Variants in SLC34A3 observed in about 807,000 individuals in gnomAD.
The protein encoded by SLC34A3 is solute carrier family 34 member 3.
In SLC34A3, 60 loss-of-function variants were observed where a neutral mutation model predicts 43.9. That is an observed-to-expected ratio of 1.37 (90% confidence interval 1.11 to 1.70). The LOEUF (loss-of-function observed/expected upper bound fraction) is 1.70. SLC34A3 is among the 40% of genes most tolerant of loss of function. The pLI, the probability that SLC34A3 is intolerant of heterozygous loss-of-function variation, is 0.00. For missense variants in SLC34A3, 969 were observed against 823.8 expected, an observed-to-expected ratio of 1.18 and a Z score of -2.16; for synonymous variants, 451 against 386.2, an observed-to-expected ratio of 1.17 and a Z score of -1.97.
chr9:137,234,349 G>T lies in SLC34A3; in HGVS notation c.1094-67G>T. 1 of 1,600,356 alleles carries T rather than the reference G, an allele frequency of 6.2e-7. No individual in the cohort carries two copies. Among genetic ancestry groups the T allele is most frequent in the South Asian group, 1.1e-5 (1 of 90,836 alleles). On this transcript the variant is annotated intron_variant, in intron 10 of 12. Transcript: ENST00000673835. The surrounding 1 kb of genome is among the most constrained non-coding windows in gnomAD (Gnocchi z 6.9). ...CCCATAGACTTCCCCTTCCCACCAGGCTGACTCGGGGGCTACCTGGCCCTC... is the reference window on the plus strand; with the variant it reads ...CCCATAGACTTCCCCTTCCCACCAGTCTGACTCGGGGGCTACCTGGCCCTC...
In SLC34A3 at chr9:137,233,947, G is replaced by T; in HGVS notation, c.925+6G>T. 1 of 1,550,710 alleles carries T rather than the reference G, an allele frequency of 6.4e-7. No individual in the cohort carries two copies. Among genetic ancestry groups the T allele is most frequent in the Non-Finnish European group, 8.7e-7 (1 of 1,148,428 alleles). On this transcript the variant is annotated splice_donor_region_variant and intron_variant, in intron 9 of 12. Transcript: ENST00000673835. ...CCCGGCGGACAGGCTGCCCTGTGAGGCCCGGCCCACCCCAAGCCCCCTACA... is the reference window on the plus strand; with the variant it reads ...CCCGGCGGACAGGCTGCCCTGTGAGTCCCGGCCCACCCCAAGCCCCCTACA...
intron 8 of SLC34A3, 56 bp downstream of exon 8, chr9:137,233,778 A>AG: frequency 2.7e-6 from 4 of 1,484,896 alleles, no homozygotes; most frequent in South Asian, 1.2e-5. Context: ...CTGCTGAGTC[A>AG]TCCCGCCCCA....
In SLC34A3 at chr9:137,234,240, C is replaced by T. The variant is rs750292913; in HGVS notation, c.1057C>T (p.Arg353Cys). The T allele has an allele frequency of 9.9e-6, 16 of 1,610,358 alleles. No individual in the cohort carries two copies. The highest frequency in any genetic ancestry group is 1.6e-4 in the Middle Eastern group (1 of 6,084). The change falls in exon 10 of 13, where the codon CGC becomes TGC. Residue 353 changes from arginine (R) to cysteine (C), a missense_variant. Arg to Cys is a radical substitution (Grantham distance 180). Coordinates refer to ENST00000673835, the MANE Select transcript of SLC34A3 (RefSeq NM_001177316.2). This position sits in a 1 kb window ranked among gnomAD's most constrained non-coding sequence, Gnocchi z 6.9. ...VKLLNSVLRG[R>C]VAQVVRTVIN... ...GCTGCTCAACTCTGTGCTGCGCGGC[C>T]GCGTGGCCCAGGTCGTGAGGACAGT...
rs146854507 is a variant in SLC34A3, at chr9:137,236,128, C to T, written c.1512C>T (p.Phe504=). ...TCCTGCTGCTGCCCCTGGCGGCCTT[C>T]GGGCTCTCCCTGGCAGGGGGCATGG... ...LGFLLLPLAA[F]GLSLAGGMEL... Residue 504 remains phenylalanine (F), a synonymous_variant, in exon 13 of 13, where the codon TTC becomes TTT. Coordinates refer to ENST00000673835, the MANE Select transcript of SLC34A3 (RefSeq NM_001177316.2). The T allele has an allele frequency of 4.1e-3, 6,658 of 1,611,102 alleles. 18 individuals are homozygous for T. The highest frequency in any genetic ancestry group is 6.4e-3 in the Middle Eastern group (39 of 6,058).
chr9:137,232,710 G>A lies in SLC34A3; in HGVS notation c.304+7G>A. On this transcript the variant is annotated splice_region_variant and intron_variant, in intron 4 of 12. Transcript: ENST00000673835. ...GCCTTCCAGCTGCTGGGCAGTGAGT[G>A]ACGGGACGGGTGCCCAGGGCGGGGC... The A allele has an allele frequency of 6.2e-7, 1 of 1,612,932 alleles. No homozygotes were observed. The highest frequency in any genetic ancestry group is 8.5e-7 in the Non-Finnish European group (1 of 1,179,948).
At chr9:137,232,549 A>T (rs1836283108) in intron 3 of SLC34A3, 26 bp from the exon 4 acceptor site, 6 of 1,610,870 alleles carry the variant, frequency 3.7e-6, no homozygotes, top group Non-Finnish European at 5.1e-6. Context: ...AGGGCCAGCC[A>T]GGGACAGCCT....
At chr9:137,233,779 T>TACCCCCCCCCCCCCCCC in intron 8 of SLC34A3, 57 bp downstream of exon 8, 3 of 1,445,822 alleles carry the variant, frequency 2.1e-6, no homozygotes, top group South Asian at 1.2e-5. Flanking sequence ...TGCTGAGTCA[T>TACCCCCCCCCCCCCCCC]CCCGCCCCAC....
At chr9:137,235,659 G>T (rs1256163708) in intron 12 of SLC34A3, among the ~76,000 whole-genome samples, 1 of 152,324 alleles carries the variant, frequency 6.6e-6, no homozygotes, top group South Asian at 2.1e-4. Context: ...GGCACAGGCA[G>T]AGCCAGGTCG....
chr9:137,236,449 C>G lies in SLC34A3; in HGVS notation c.*33C>G. ...TTGCTGAGCAGACCGCCCCACCCTC[C>G]CCGGCTGGGAGGGCTCTGGAGGGCC... On this transcript the variant is annotated 3_prime_UTR_variant, in exon 13 of 13. Coordinates refer to ENST00000673835, the MANE Select transcript of SLC34A3 (RefSeq NM_001177316.2). 1 of 1,525,756 alleles carries G rather than the reference C, an allele frequency of 6.6e-7. No individual in the cohort carries two copies. Among genetic ancestry groups the G allele is most frequent in the Non-Finnish European group, 8.8e-7 (1 of 1,137,834 alleles). The allele number at this position is 1,525,756 out of a possible 1,614,324, so 94.5% of individuals were successfully genotyped here. A position where few individuals can be genotyped will look rare whatever the true frequency, so the allele number is the denominator to read the frequency against.
In SLC34A3 at chr9:137,233,232, A is replaced by G; in HGVS notation, c.584A>G (p.His195Arg). 1 of 1,574,426 alleles carries G rather than the reference A, an allele frequency of 6.4e-7. No individual in the cohort carries two copies. The highest frequency in any genetic ancestry group is 8.6e-7 in the Non-Finnish European group (1 of 1,160,572). The change falls in exon 7 of 13, where the codon CAC (histidine) becomes CGC (arginine). Residue 195 changes from histidine (H) to arginine (R), a missense_variant. By Grantham distance (29) the His-to-Arg change is conservative. Coordinates refer to ENST00000673835, the MANE Select transcript of SLC34A3 (RefSeq NM_001177316.2). ...FQRAFSGSAVHGIFNWLTVLV... is the reference protein window; with the variant it reads ...FQRAFSGSAVRGIFNWLTVLV... ...AGGGCTTTCAGCGGCTCGGCGGTGC[A>G]CGGGATCTTCAACTGGCTCACAGTG... is the stretch of plus-strand genomic sequence containing the variant.
Position 137,234,485 on chromosome 9 carries a change from C to T in SLC34A3, c.1163C>T (p.Ala388Val). The change falls in exon 11 of 13, where the codon GCA becomes GTA. Residue 388 changes from alanine (A) to valine (V), a missense_variant. Physicochemically the swap from Ala to Val is moderately conservative, Grantham distance 64 (BLOSUM62 0). Coordinates refer to ENST00000673835, the MANE Select transcript of SLC34A3 (RefSeq NM_001177316.2). This position sits in a 1 kb window ranked among gnomAD's most constrained non-coding sequence, Gnocchi z 6.9. Reference sequence around the variant, plus strand: ...CTCGCGGGCGCCGGCCTGACCTTCGCACTGCAGAGCAGCAGCGTCTTCACG... The same window carrying T: ...CTCGCGGGCGCCGGCCTGACCTTCGTACTGCAGAGCAGCAGCGTCTTCACG... ...AVLAGAGLTF[A>V]LQSSSVFTAA... The T allele has an allele frequency of 1.2e-6, 2 of 1,602,994 alleles. No homozygotes were observed. The highest frequency in any genetic ancestry group is 8.5e-7 in the Non-Finnish European group (1 of 1,179,354).
Position 137,233,077 on chromosome 9 carries a change from C to A in SLC34A3, c.522C>A (p.Val174=), listed in dbSNP as rs777862524. The change falls in exon 6 of 13, where the codon GTC becomes GTA. Residue 174 remains valine, a synonymous_variant. Transcript: ENST00000673835. The part of the protein sequence containing the change: ...NVGTSITSTL[V]SMAQSGDRDE... ...GCACATCCATCACCAGCACCCTGGT[C>A]TCAATGGCGCAGTCAGGGGACCGGG... The A allele has an allele frequency of 6.2e-7, 1 of 1,611,332 alleles. No individual in the cohort carries two copies. The highest frequency in any genetic ancestry group is 8.5e-7 in the Non-Finnish European group (1 of 1,179,826).
Position 137,232,578 on chromosome 9 carries a change from TC to T in SLC34A3, c.181del (p.Arg61AlafsTer91), listed in dbSNP as rs1473192539. ...LKDTSQPWKE[L>X]RVAGRLRRVA... ...ACAGCCTGCCCTGTGTCCTCAGAGC[TC>T]CGCGTGGCCGGCAGGCTGCGCCGCG... On this transcript the variant is annotated frameshift_variant, in exon 4 of 13. Coordinates refer to ENST00000673835, the MANE Select transcript of SLC34A3 (RefSeq NM_001177316.2). LOFTEE classifies it high-confidence loss of function. The T allele has an allele frequency of 1.2e-6, 2 of 1,611,616 alleles. No homozygotes were observed. The highest frequency in any genetic ancestry group is 1.7e-6 in the Non-Finnish European group (2 of 1,179,344).
chr9:137,231,228 C>G, intron 1 of SLC34A3: 2 of 201,420 alleles, frequency 9.9e-6, no homozygotes, highest in Non-Finnish European at 1.0e-5. Context: ...ACCCCACCTG[C>G]TCCCCATCAC....
intron 7 of SLC34A3, 93 bp downstream of exon 7, chr9:137,233,497 G>A (rs1836372026): frequency 1.3e-6 from 2 of 1,580,296 alleles, no homozygotes; most frequent in Non-Finnish European, 8.7e-7. Flanking sequence ...GTCAGCGGAG[G>A]GTCTGGGCCC....
intron 7 of SLC34A3, 80 bp from the exon 8 acceptor site, chr9:137,233,553 C>G: frequency 6.4e-7 from 1 of 1,560,460 alleles, no homozygotes; most frequent in Non-Finnish European, 8.8e-7. Context: ...CAGGGCTGGG[C>G]TGGACCCCGC....
chr9:137,231,532 G>A, intron 1 of SLC34A3, 132 bp from the exon 2 acceptor site: 2 of 677,690 alleles, frequency 3.0e-6, no homozygotes, highest in Non-Finnish European at 2.7e-6. Flanking sequence ...GGTCACTGAG[G>A]CCTGCAGGGC....
intron 12 of SLC34A3, 41 bp from the exon 13 acceptor site, chr9:137,235,911 C>T: frequency 2.5e-6 from 4 of 1,597,896 alleles, no homozygotes; most frequent in East Asian, 2.2e-5. Context: ...GGTGACCCCA[C>T]CTCGTTGGGC....
chr9:137,236,173 T>C lies in SLC34A3; in HGVS notation c.1557T>C (p.Gly519=). 1.9e-6 allele frequency: 3 copies of C among 1,606,502 alleles called. No homozygotes were observed. Among genetic ancestry groups the C allele is most frequent in the Non-Finnish European group, 2.5e-6 (3 of 1,177,942 alleles). ...AGGMELAAVG[G]PLVGLVLLVI... Reference sequence around the variant, plus strand: ...GCATGGAGCTGGCCGCTGTCGGGGGTCCCCTGGTGGGGCTGGTGCTCCTCG... The same window carrying C: ...GCATGGAGCTGGCCGCTGTCGGGGGCCCCCTGGTGGGGCTGGTGCTCCTCG... The change falls in exon 13 of 13, where the codon GGT becomes GGC. Residue 519 remains glycine, a synonymous_variant. Coordinates refer to ENST00000673835, the MANE Select transcript of SLC34A3 (RefSeq NM_001177316.2).
Sources: allele counts gnomAD v4.1 joint callset (sites outside exome capture counted in the v4.1 genomes callset), GRCh38; gene constraint gnomAD v4.1.1; non-coding constraint Gnocchi (gnomAD v3.1); transcripts MANE v1.5; gene names NCBI Gene and HGNC (gene_info 2026-07-23, HGNC 2026-07-21).